The following SAMD3 variants were observed in gnomAD, a reference collection of about 807,000 sequenced individuals.
The protein encoded by SAMD3 is sterile alpha motif domain-containing protein 3.
A neutral mutation model predicts 58.5 loss-of-function variants in SAMD3; 63 were observed. The observed-to-expected ratio is 1.08, with a 90% CI of 0.88 to 1.33. The LOEUF (loss-of-function observed/expected upper bound fraction) is 1.33, where lower values mean the gene tolerates loss of function less well. SAMD3 is among the 40% of genes most tolerant of loss of function. SAMD3 has a pLI of 0.00. For synonymous variants in SAMD3, 220 were observed against 210.3 expected (o/e 1.05, Z -0.40); for missense variants, 604 against 608.4 (o/e 0.99, Z 0.08).
At chr6:130,286,211 G>GCAC (rs1322742737) in intron 2 of SAMD3, 3 of 152,254 alleles carry the variant, frequency 2.0e-5, no homozygotes, top group African/African-American at 7.2e-5. Flanking sequence ...GCCTCCTGTG[G>GCAC]CACCATCTGC....
chr6:130,174,983 C>G (rs1791592172), intron 8 of SAMD3, among the ~76,000 whole-genome samples: 1 of 152,152 alleles, frequency 6.6e-6, no homozygotes, highest in South Asian at 2.1e-4. Flanking sequence ...ATGCTTTGCC[C>G]TTTTATTATC....
chr6:130,249,019 A>T (rs1773650790), intron 2 of SAMD3, among the ~76,000 whole-genome samples: 1 of 152,148 alleles, frequency 6.6e-6, no homozygotes, highest in African/African-American at 2.4e-5. Context: ...TTTATCCATG[A>T]GATAATCATT....
At chr6:130,303,281 A>G (rs1369450511) in intron 2 of SAMD3, among the ~76,000 whole-genome samples, 1 of 152,102 alleles carries the variant, frequency 6.6e-6, no homozygotes, top group Non-Finnish European at 1.5e-5. Context: ...AGTACAGGAG[A>G]AAAAAATAGA....
At chr6:130,224,453 G>C (rs1004138151), upstream of SAMD3, among the ~76,000 whole-genome samples, 8 of 151,938 alleles carry the variant, frequency 5.3e-5, no homozygotes, top group African/African-American at 1.9e-4. Context: ...AGCACAGATG[G>C]GAGGTGTGGA....
intron 2 of SAMD3, among the ~76,000 whole-genome samples, chr6:130,230,490 C>T (rs9483094): frequency 0.13 from 19,632 of 152,034 alleles, 3,287 homozygotes; most frequent in African/African-American, 0.39. Context: ...TGGGTTCAAG[C>T]GATTCTCCTG....
intron 1 of SAMD3, among the ~76,000 whole-genome samples, chr6:130,363,230 T>C (rs1778036931): frequency 6.6e-6 from 1 of 152,216 alleles, no homozygotes; most frequent in African/African-American, 2.4e-5. Flanking sequence ...TTCTCAGGCC[T>C]AAAAATGCTA....
chr6:130,227,203 T>C (rs1796405823), upstream of SAMD3, among the ~76,000 whole-genome samples: 1 of 152,230 alleles, frequency 6.6e-6, no homozygotes, highest in Non-Finnish European at 1.5e-5. Context: ...AGGTATGCCA[T>C]ATAAGTGGAA....
chr6:130,202,623 G>C (rs1323548061), intron 5 of SAMD3, among the ~76,000 whole-genome samples: 1 of 152,220 alleles, frequency 6.6e-6, no homozygotes, highest in Non-Finnish European at 1.5e-5. Flanking sequence ...GTTACACAAA[G>C]AGAAATCCTG....
At chr6:130,243,699 T>C (rs182189778) in intron 2 of SAMD3, among the ~76,000 whole-genome samples, 1 of 152,358 alleles carries the variant, frequency 6.6e-6, no homozygotes, top group Non-Finnish European at 1.5e-5. Flanking sequence ...TATATGTATA[T>C]AATTCTAAGA....
intron 2 of SAMD3, among the ~76,000 whole-genome samples, chr6:130,293,388 A>G (rs562704904): frequency 2.0e-5 from 3 of 152,250 alleles, no homozygotes; most frequent in South Asian, 4.2e-4. Context: ...GTATCACAAC[A>G]TTCTGGTCCC....
intron 2 of SAMD3, among the ~76,000 whole-genome samples, chr6:130,229,114 C>A (rs569664591): frequency 5.3e-5 from 8 of 152,266 alleles, no homozygotes; most frequent in African/African-American, 1.9e-4. Context: ...GACAGCAATG[C>A]CCAAGAAAGC....
chr6:130,290,649 G>C (rs1278272945), intron 2 of SAMD3, among the ~76,000 whole-genome samples: 1 of 152,110 alleles, frequency 6.6e-6, no homozygotes, highest in Admixed American at 6.5e-5. Context: ...CTACCTTTGG[G>C]AGCTAAGAGT....
chr6:130,292,913 C>T (rs981896734), intron 2 of SAMD3, among the ~76,000 whole-genome samples: 14 of 152,308 alleles, frequency 9.2e-5, no homozygotes, highest in African/African-American at 2.2e-4. Context: ...CCACCATGCC[C>T]GGCCAGGAAC....
chr6:130,307,014 C>G (rs1775931361), intron 2 of SAMD3, among the ~76,000 whole-genome samples: 1 of 152,194 alleles, frequency 6.6e-6, no homozygotes, highest in South Asian at 2.1e-4. Flanking sequence ...CTCTCATTCT[C>G]TCTGTTTCCT....
At chr6:130,168,293 G>A (rs34237083) in intron 8 of SAMD3, among the ~76,000 whole-genome samples, 6,236 of 152,128 alleles carry the variant, frequency 0.041, 171 homozygotes, top group Non-Finnish European at 0.06. Context: ...AAATTAGCAG[G>A]GCATGGTGTT....
chr6:130,175,732 AAAAAG>A, intron 8 of SAMD3, 104 bp downstream of exon 8: 1 of 725,142 alleles, frequency 1.4e-6, no homozygotes, highest in Non-Finnish European at 2.1e-6. Flanking sequence ...TTCAAATTTT[AAAAAG>A]GTATCTTATT....
At position 130,184,308 on chromosome 6, in the gene SAMD3, A is replaced by C. The variant is rs147829681; in HGVS notation, c.570-121T>G. The C allele has an allele frequency of 2.1e-3, 2,410 of 1,157,522 alleles. 44 individuals carry two copies. The African/African-American group carries it at 0.032, about 15-fold the overall frequency. 71.7% of individuals were successfully genotyped at this position (1,157,522 alleles called of 1,614,324 possible). A position where few individuals can be genotyped will look rare whatever the true frequency, so the allele number is the denominator to read the frequency against. On this transcript the variant is annotated intron_variant, in intron 6 of 11. Coordinates refer to ENST00000439090, the MANE Select transcript of SAMD3 (RefSeq NM_001017373.4). Reference sequence around the variant, plus strand: ...TTCTATATAACAAAAAGAGATTTAAATATTGGGCAATTGGGACCTATTACC... The same window carrying C: ...TTCTATATAACAAAAAGAGATTTAACTATTGGGCAATTGGGACCTATTACC...
chr6:130,144,580 A>G lies in SAMD3; in HGVS notation c.1503T>C (p.Pro501=). Residue 501 remains proline (P), a synonymous_variant, in exon 12 of 12, where the codon CCT becomes CCC. Transcript: ENST00000439090. ...LETLIFDMHS[P]YFPSLKEKEN... is the part of the protein sequence containing the mutation. ...CCTTTTCTTTCAAAGAAGGAAAATA[A>G]GGACTGTGCATATCGAAAATCAGCG... 1 of 1,614,114 alleles carries G rather than the reference A, an allele frequency of 6.2e-7. No homozygotes were observed. The highest frequency in any genetic ancestry group is 1.1e-5 in the South Asian group (1 of 91,070).
At chr6:130,145,488 G>T in intron 10 of SAMD3, 66 bp from the exon 11 acceptor site, 1 of 1,075,510 alleles carries the variant, frequency 9.3e-7, no homozygotes, top group Non-Finnish European at 1.4e-6. Flanking sequence ...AGCTAAGCTA[G>T]TATTGAAACA....
Sources: gnomAD v4.1 joint callset for allele counts (sites outside exome capture counted in the v4.1 genomes callset) on GRCh38, gnomAD v4.1.1 for gene constraint, MANE v1.5 for transcripts, NCBI Gene and HGNC (gene_info 2026-07-23, HGNC 2026-07-21) for gene names.